ANK3: variants seen among roughly 807,000 people sequenced by gnomAD.
ANK3 encodes ankyrin 3.
ANK3 carries 57 observed loss-of-function variants against 370.9 expected under a neutral mutation model. That is an observed-to-expected ratio of 0.15 (90% CI 0.12 to 0.19). The LOEUF (loss-of-function observed/expected upper bound fraction) is 0.19. Among genes scored for constraint, ANK3 ranks in the 10% least tolerant of loss-of-function variants. ANK3 has a pLI of 1.00. For synonymous variants in ANK3, 1,929 were observed against 1,946.3 expected, an observed-to-expected ratio of 0.99 and a Z score of 0.23; for missense variants, 4,439 against 5,302.1, an observed-to-expected ratio of 0.84 and a Z score of 5.06.
At chr10:60,614,282 C>T (rs1010865046) in intron 2 of ANK3, among the ~76,000 whole-genome samples, 5 of 151,924 alleles carry the variant, frequency 3.3e-5, no homozygotes, top group African/African-American at 9.7e-5. Context: ...CATATGAATG[C>T]GGAAGACATC....
chr10:60,293,082 T>C (rs2041797428), intron 1 of ANK3, among the ~76,000 whole-genome samples: 1 of 152,220 alleles, frequency 6.6e-6, no homozygotes, highest in African/African-American at 2.4e-5. Context: ...TCTGTCTCAA[T>C]TATTTCCCAC....
At chr10:60,483,752 T>C (rs557964027) in intron 2 of ANK3, among the ~76,000 whole-genome samples, 25 of 152,240 alleles carry the variant, frequency 1.6e-4, no homozygotes, top group East Asian at 1.4e-3. Flanking sequence ...GCCCTCACCA[T>C]GGGCCCATGT....
At chr10:60,403,371 C>T (rs1480144945) in intron 2 of ANK3, among the ~76,000 whole-genome samples, 2 of 152,144 alleles carry the variant, frequency 1.3e-5, no homozygotes, top group African/African-American at 2.4e-5. Context: ...TTGCACCAAA[C>T]CTAGTAAGCA....
intron 1 of ANK3, among the ~76,000 whole-genome samples, chr10:60,633,414 T>A (rs1225818944): frequency 1.3e-5 from 2 of 152,102 alleles, no homozygotes; most frequent in Non-Finnish European, 2.9e-5. Flanking sequence ...ACTGCTGGAG[T>A]TTTTTTAAGC....
At position 60,368,679 on chromosome 10, in the gene ANK3, C is replaced by T. The variant is rs191828153; in HGVS notation, c.114+20746G>A. Reference sequence around the variant, plus strand: ...TTGACAGGCTGGAAACTGACCTGCTCCTCCTTTAATAACAATTAGACACAG... The same window carrying T: ...TTGACAGGCTGGAAACTGACCTGCTTCTCCTTTAATAACAATTAGACACAG... On this transcript the variant is annotated intron_variant, in intron 1 of 43. Transcript: ENST00000280772. 8.3e-4 allele frequency among the ~76,000 whole-genome samples: 126 copies of T among 152,244 alleles called. No homozygotes were observed. In the Middle Eastern group the frequency reaches 0.027, roughly 33 times the overall value.
intron 2 of ANK3, among the ~76,000 whole-genome samples, chr10:60,408,460 G>A (rs970390955): frequency 1.1e-4 from 16 of 152,032 alleles, no homozygotes; most frequent in Non-Finnish European, 5.9e-5. Context: ...GAAGATGCTC[G>A]CTCCTGCTTT....
chr10:60,260,155 T>C (rs1272657773), intron 7 of ANK3, among the ~76,000 whole-genome samples: 1 of 152,188 alleles, frequency 6.6e-6, no homozygotes, highest in African/African-American at 2.4e-5. Flanking sequence ...TTAAGTTACC[T>C]AGGGGAGAGA....
At chr10:60,275,987 A>T (rs959165460) in intron 4 of ANK3, among the ~76,000 whole-genome samples, 6 of 152,202 alleles carry the variant, frequency 3.9e-5, no homozygotes, top group Non-Finnish European at 8.8e-5. Flanking sequence ...TATAATCACA[A>T]TTTAGTCAAC....
intron 34 of ANK3, 66 bp from the exon 35 acceptor site, chr10:60,082,242 C>A: frequency 7.1e-7 from 1 of 1,406,674 alleles, no homozygotes; most frequent in Non-Finnish European, 1.0e-6. Flanking sequence ...AAAAGAATAT[C>A]AGGATATGAA....
chr10:60,231,933 T>C (rs1592137187), intron 8 of ANK3, among the ~76,000 whole-genome samples: 1 of 152,188 alleles, frequency 6.6e-6, no homozygotes, highest in South Asian at 2.1e-4. Flanking sequence ...TGTATCTTTG[T>C]CGAAAATAAG....
intron 1 of ANK3, among the ~76,000 whole-genome samples, chr10:60,691,961 G>A (rs1442987535): frequency 2.0e-5 from 3 of 151,884 alleles, no homozygotes; most frequent in Non-Finnish European, 4.4e-5. Flanking sequence ...CCCAGTAGGA[G>A]GGGTTGTCAA....
intron 2 of ANK3, among the ~76,000 whole-genome samples, chr10:60,490,239 T>C (rs575600142): frequency 1.9e-4 from 29 of 152,312 alleles, no homozygotes; most frequent in Non-Finnish European, 3.2e-4. Context: ...CTCAGAGTCT[T>C]ATCTAGATCA....
chr10:60,436,754 G>A (rs1238118830), intron 2 of ANK3, among the ~76,000 whole-genome samples: 2 of 152,108 alleles, frequency 1.3e-5, no homozygotes, highest in African/African-American at 4.8e-5. Flanking sequence ...CATTCTCCAG[G>A]TTGTCTTTTC....
chr10:60,645,546 T>A (rs2078699424), intron 1 of ANK3, among the ~76,000 whole-genome samples: 1 of 151,934 alleles, frequency 6.6e-6, no homozygotes, highest in Admixed American at 6.6e-5. Context: ...GCCAACATGG[T>A]GAAATCTCGT....
At chr10:60,622,392 A>T (rs1457951075) in intron 1 of ANK3, among the ~76,000 whole-genome samples, 4 of 151,908 alleles carry the variant, frequency 2.6e-5, no homozygotes, top group African/African-American at 7.3e-5. Flanking sequence ...TTACAGGCAT[A>T]CCACCACACC....
chr10:60,193,436 C>G (rs527596035), intron 16 of ANK3, among the ~76,000 whole-genome samples: 1 of 152,234 alleles, frequency 6.6e-6, no homozygotes, highest in South Asian at 2.1e-4. Flanking sequence ...GAGGGCAGAT[C>G]ACTTGAGGTC....
At chr10:60,042,852 A>C in intron 42 of ANK3, 93 bp from the exon 43 acceptor site, 1 of 1,572,368 alleles carries the variant, frequency 6.4e-7, no homozygotes, top group Non-Finnish European at 8.6e-7. Context: ...GATTAGGACA[A>C]GCGAAACAGT....
At chr10:60,323,937 A>G (rs772911408) in intron 1 of ANK3, among the ~76,000 whole-genome samples, 1 of 152,200 alleles carries the variant, frequency 6.6e-6, no homozygotes, top group Non-Finnish European at 1.5e-5. Flanking sequence ...TGTTCCTGCA[A>G]AAGCAGCATG....
At chr10:60,637,393 T>C (rs1564462169) in intron 1 of ANK3, among the ~76,000 whole-genome samples, 1 of 152,156 alleles carries the variant, frequency 6.6e-6, no homozygotes, top group Non-Finnish European at 1.5e-5. Context: ...AAATAGACAG[T>C]GCTATTGAGG....
Sources: allele counts gnomAD v4.1 joint callset (sites outside exome capture counted in the v4.1 genomes callset), GRCh38; gene constraint gnomAD v4.1.1; transcripts MANE v1.5; gene names NCBI Gene and HGNC (gene_info 2026-07-23, HGNC 2026-07-21).